HOXA3: variants seen among roughly 807,000 people sequenced by gnomAD.
HOXA3 encodes the protein homeobox A3.
A neutral mutation model predicts 30.3 loss-of-function variants in HOXA3; 8 were observed. The observed-to-expected ratio is 0.26, with a 90% confidence interval of 0.15 to 0.48. HOXA3 has a LOEUF of 0.48. HOXA3 is among the 20% of genes least tolerant of loss of function. The probability of loss-of-function intolerance (pLI) is 0.99; values close to 1 mark genes in which losing one functional copy is unlikely to be tolerated. For missense variants in HOXA3, 653 were observed against 614.4 expected (o/e 1.06, Z -0.66); for synonymous variants, 323 against 273.1 (o/e 1.18, Z -1.80).
intron 1 of HOXA3, chr7:27,143,709 G>A: frequency 6.8e-7 from 1 of 1,472,434 alleles, no homozygotes; most frequent in East Asian, 2.5e-5. Context: ...ACTGGGACAT[G>A]TACTTGGTTC....
intron 1 of HOXA3, chr7:27,142,156 G>T (rs981251671): frequency 2.6e-6 from 4 of 1,535,370 alleles, no homozygotes; most frequent in Non-Finnish European, 3.5e-6. Context: ...GACAAGCTTG[G>T]GTCATGAGCA....
At position 27,113,775 on chromosome 7, in the gene HOXA3, A is replaced by T. The variant is rs1192068504; in HGVS notation, c.-120-3015T>A. 1 of 151,994 alleles carries T rather than the reference A, an allele frequency of 6.6e-6. No homozygotes were observed. Among genetic ancestry groups the T allele is most frequent in the African/African-American group, 2.4e-5 (1 of 41,342 alleles). 9.4% of individuals were successfully genotyped at this position (151,994 alleles called of 1,614,324 possible). A position where few individuals can be genotyped will look rare whatever the true frequency, so the allele number is the denominator to read the frequency against. Reference sequence around the variant, plus strand: ...GATGGCAGGCGGGCTGGAGACCCCGAGGCCCGGTCACCGCCGCGCAGAGCG... The same window carrying T: ...GATGGCAGGCGGGCTGGAGACCCCGTGGCCCGGTCACCGCCGCGCAGAGCG... On this transcript the variant is annotated intron_variant, in intron 4 of 5. Transcript: ENST00000612286. The surrounding 1 kb of genome is among the most constrained non-coding windows in gnomAD (Gnocchi z 4.8).
At chr7:27,143,594 A>G in intron 1 of HOXA3, 1 of 1,596,222 alleles carries the variant, frequency 6.3e-7, no homozygotes, top group Non-Finnish European at 8.6e-7. Flanking sequence ...TGAGTTTACA[A>G]AATAAGAGCT....
intron 4 of HOXA3, among the ~76,000 whole-genome samples, chr7:27,117,960 C>A (rs757500015): frequency 6.6e-6 from 1 of 152,170 alleles, no homozygotes; most frequent in Non-Finnish European, 1.5e-5. Context: ...ACACCCCCAA[C>A]ACTTTCCAGG....
At chr7:27,145,835 G>A (rs889282082) in intron 1 of HOXA3, 9 of 1,614,268 alleles carry the variant, frequency 5.6e-6, no homozygotes, top group Non-Finnish European at 6.8e-6. Flanking sequence ...AGCGGTTGAA[G>A]TGGAACTCCT....
chr7:27,131,866 T>C (rs960874533), intron 2 of HOXA3, among the ~76,000 whole-genome samples: 2 of 152,364 alleles, frequency 1.3e-5, no homozygotes, highest in African/African-American at 2.4e-5. Context: ...GCTAGAGTTA[T>C]ATTTGCAGGA....
intron 1 of HOXA3, among the ~76,000 whole-genome samples, chr7:27,142,322 C>T (rs1782600295): frequency 6.6e-6 from 1 of 152,232 alleles, no homozygotes; most frequent in Non-Finnish European, 1.5e-5. Context: ...CGGCGGACTC[C>T]GGCTTTCCCT....
intron 1 of HOXA3, chr7:27,147,904 C>A (rs1345555355): frequency 2.8e-6 from 2 of 702,210 alleles, no homozygotes; most frequent in Non-Finnish European, 2.3e-6. Context: ...CCAATGGGAG[C>A]GAACGCCGGA....
chr7:27,109,027 C>G (rs978893584), intron 5 of HOXA3, among the ~76,000 whole-genome samples: 1 of 152,084 alleles, frequency 6.6e-6, no homozygotes, highest in East Asian at 1.9e-4. Context: ...TTACTGGTCC[C>G]TTTGGCCTAT....
chr7:27,142,178 CG>C, intron 1 of HOXA3: 1 of 1,418,830 alleles, frequency 7.0e-7, no homozygotes, highest in East Asian at 2.4e-5. Flanking sequence ...GGAACCCAGG[CG>C]AAAAGCTCAA....
Position 27,107,614 on chromosome 7 carries a change from G to A in HOXA3, c.*301C>T. The stretch of plus-strand genomic sequence containing the variant: ...ACTAGAAAATTTGTTCATATACCCT[G>A]TTTCTGATCAAAGAGTGGAGAAGGT... On this transcript the variant is annotated 3_prime_UTR_variant, in exon 6 of 6. Transcript: ENST00000612286. 1 of 324,894 alleles carries A rather than the reference G, an allele frequency of 3.1e-6. No homozygotes were observed. The highest frequency in any genetic ancestry group is 1.5e-4 in the South Asian group (1 of 6,452). The allele number at this position is 324,894 out of a possible 1,614,324, so 20.1% of individuals were successfully genotyped here. A position where few individuals can be genotyped will look rare whatever the true frequency, so the allele number is the denominator to read the frequency against.
intron 2 of HOXA3, chr7:27,129,464 G>A (rs1785424303): frequency 1.2e-6 from 2 of 1,614,042 alleles, no homozygotes; most frequent in African/African-American, 1.3e-5. Flanking sequence ...CGGCGCCGCC[G>A]GGTCAGGTAT....
intron 1 of HOXA3, among the ~76,000 whole-genome samples, chr7:27,148,132 G>C (rs937136634): frequency 6.6e-6 from 1 of 152,258 alleles, no homozygotes; most frequent in Non-Finnish European, 1.5e-5. Context: ...GCCCCGCCAG[G>C]TCCCCTCCTT....
intron 1 of HOXA3, chr7:27,141,172 G>A (rs1403113122): frequency 6.9e-6 from 1 of 144,710 alleles, no homozygotes; most frequent in African/African-American, 2.5e-5. Context: ...GCCAGACTTG[G>A]ACAATATTTG....
At chr7:27,134,082 G>A (rs1459791172) in intron 2 of HOXA3, 2 of 152,210 alleles carry the variant, frequency 1.3e-5, no homozygotes, top group Non-Finnish European at 2.9e-5. Context: ...GTTCTTTAGA[G>A]CGAGAGTCCC....
chr7:27,129,454 C>A (rs1248729558), intron 2 of HOXA3: 7 of 1,614,032 alleles, frequency 4.3e-6, no homozygotes, highest in Non-Finnish European at 3.4e-6. Context: ...GATCTCGATG[C>A]GGCGCCGCCG....
intron 1 of HOXA3, among the ~76,000 whole-genome samples, chr7:27,146,685 G>A (rs1583412064): frequency 1.3e-5 from 2 of 152,134 alleles, no homozygotes; most frequent in East Asian, 3.9e-4. Flanking sequence ...GGTGGTGGGG[G>A]GTCCCTCCAA....
chr7:27,144,428 C>T (rs187940756), intron 1 of HOXA3, among the ~76,000 whole-genome samples: 1 of 152,340 alleles, frequency 6.6e-6, no homozygotes, highest in Admixed American at 6.5e-5. Flanking sequence ...AAATTCCATA[C>T]ACTTTTATAA....
chr7:27,142,091 A>G, intron 1 of HOXA3: 2 of 1,611,462 alleles, frequency 1.2e-6, no homozygotes, highest in Non-Finnish European at 1.7e-6. Context: ...GTTGTCTGCA[A>G]TAGAAAAGTC....
Sources: gnomAD v4.1 joint callset for allele counts (sites outside exome capture counted in the v4.1 genomes callset) on GRCh38, gnomAD v4.1.1 for gene constraint, Gnocchi (gnomAD v3.1) non-coding constraint, MANE v1.5 for transcripts, NCBI Gene and HGNC (gene_info 2026-07-23, HGNC 2026-07-21) for gene names.